CACNA2D1: variants seen among roughly 807,000 people sequenced by gnomAD.
CACNA2D1 encodes voltage-dependent calcium channel subunit alpha-2/delta-1.
In CACNA2D1, 53 loss-of-function variants were observed where a neutral mutation model predicts 171.5. The observed-to-expected ratio is 0.31, with a 90% CI of 0.25 to 0.39. CACNA2D1 has a LOEUF of 0.39. Among genes scored for constraint, CACNA2D1 ranks in the 10% least tolerant of loss-of-function variants. The pLI is 1.00. For missense variants in CACNA2D1, 903 were observed against 1,299.8 expected (o/e 0.69, Z 4.69); for synonymous variants, 442 against 443.1 (o/e 1.00, Z 0.03).
intron 32 of CACNA2D1, among the ~76,000 whole-genome samples, chr7:81,964,661 A>G (rs1156580851): frequency 1.3e-5 from 2 of 151,844 alleles, no homozygotes; most frequent in Non-Finnish European, 2.9e-5. Context: ...GGGCCGGGGA[A>G]TGGAGAGGTA....
chr7:82,268,186 C>A (rs1034169882), intron 3 of CACNA2D1, among the ~76,000 whole-genome samples: 1 of 152,080 alleles, frequency 6.6e-6, no homozygotes, highest in Non-Finnish European at 1.5e-5. Flanking sequence ...AAAGTATTTG[C>A]GAAATATTAA....
intron 1 of CACNA2D1, among the ~76,000 whole-genome samples, chr7:82,396,392 CA>C (rs1156452312): frequency 2.0e-5 from 3 of 152,110 alleles, no homozygotes; most frequent in African/African-American, 7.2e-5. Context: ...TAATTTCAAG[CA>C]ATGTGGAATT....
chr7:82,051,990 C>A (rs938108896), intron 10 of CACNA2D1, among the ~76,000 whole-genome samples: 5 of 152,086 alleles, frequency 3.3e-5, no homozygotes, highest in African/African-American at 1.2e-4. Context: ...GTTCTGACAT[C>A]TTATACATGA....
intron 6 of CACNA2D1, among the ~76,000 whole-genome samples, chr7:82,095,202 T>A (rs901097441): frequency 6.6e-6 from 1 of 152,082 alleles, no homozygotes; most frequent in Non-Finnish European, 1.5e-5. Context: ...TGCCTACTTG[T>A]TAAACTTCTC....
At chr7:82,238,361 CACAT>C (rs1803862151) in intron 3 of CACNA2D1, among the ~76,000 whole-genome samples, 1 of 151,892 alleles carries the variant, frequency 6.6e-6, no homozygotes, top group Non-Finnish European at 1.5e-5. Context: ...CATTCGCAAA[CACAT>C]AATGAAGTTA....
intron 1 of CACNA2D1, among the ~76,000 whole-genome samples, chr7:82,378,537 G>A (rs187713315): frequency 1.1e-3 from 162 of 152,118 alleles, no homozygotes; most frequent in African/African-American, 3.2e-3. Flanking sequence ...GTTTTTTAAC[G>A]ATAGAATTTC....
chr7:82,274,665 G>C (rs558702666), intron 3 of CACNA2D1, among the ~76,000 whole-genome samples: 51 of 152,176 alleles, frequency 3.4e-4, no homozygotes, highest in African/African-American at 1.2e-3. Context: ...AGCAATGTGG[G>C]GAGCACCATA....
intron 24 of CACNA2D1, 51 bp downstream of exon 24, chr7:81,982,516 T>G: frequency 1.0e-6 from 1 of 994,502 alleles, no homozygotes; most frequent in Non-Finnish European, 1.6e-6. Context: ...GAACTACTGT[T>G]GAAGGCCTAG....
chr7:82,012,157 T>G lies in CACNA2D1; in HGVS notation c.1359A>C (p.Ala453=), dbSNP rs756230216. 1.3e-6 allele frequency: 2 copies of G among 1,567,494 alleles called. No homozygotes were observed. The highest frequency in any genetic ancestry group is 1.8e-6 in the Non-Finnish European group (2 of 1,138,080). Residue 453 remains alanine (A), a synonymous_variant, in exon 15 of 39, where the codon GCA becomes GCC. Transcript: ENST00000356860. ...QVQWTNVYLD[A]LELGLVITGT... is the part of the protein sequence containing the mutation. ...ACTGAATAGCTCAACCTCTTACCAA[T>G]GCATCCAGGTACACATTTGTCCATT...
intron 3 of CACNA2D1, among the ~76,000 whole-genome samples, chr7:82,240,531 T>C (rs1015064813): frequency 2.6e-5 from 4 of 152,200 alleles, no homozygotes; most frequent in Non-Finnish European, 4.4e-5. Flanking sequence ...CAAATACAAG[T>C]GTATTACTGA....
At position 82,095,603 on chromosome 7, in the gene CACNA2D1, C is replaced by T. The variant is rs112278448; in HGVS notation, c.527-10703G>A. Among the ~76,000 whole-genome samples the T allele has an allele frequency of 3.7e-3, 559 of 152,216 alleles. 5 individuals carry two copies. The highest frequency in any genetic ancestry group is 0.024 in the South Asian group (116 of 4,824). ...GAAAATTAAAATATGCTATACTTAA[C>T]GTATAACAGGCACGCCATAAACAGT... On this transcript the variant is annotated intron_variant, in intron 6 of 38. Coordinates refer to ENST00000356860, the MANE Select transcript of CACNA2D1 (RefSeq NM_000722.4).
At chr7:82,060,057 T>G (rs1806435684) in intron 10 of CACNA2D1, among the ~76,000 whole-genome samples, 1 of 102,930 alleles carries the variant, frequency 9.7e-6, no homozygotes, top group Non-Finnish European at 1.9e-5. Context: ...AATGACGAGT[T>G]AATAGGTGCA....
intron 3 of CACNA2D1, among the ~76,000 whole-genome samples, chr7:82,331,778 T>C (rs949807154): frequency 3.3e-5 from 5 of 152,264 alleles, no homozygotes; most frequent in Non-Finnish European, 7.4e-5. Flanking sequence ...ACAACCTTTT[T>C]TAAGAGACTA....
At chr7:82,275,598 A>G (rs1376530782) in intron 3 of CACNA2D1, among the ~76,000 whole-genome samples, 1 of 152,056 alleles carries the variant, frequency 6.6e-6, no homozygotes, top group African/African-American at 2.4e-5. Context: ...GACAAACACC[A>G]TCTATCTGGC....
intron 3 of CACNA2D1, among the ~76,000 whole-genome samples, chr7:82,287,046 T>C (rs1810878563): frequency 6.6e-6 from 1 of 152,212 alleles, no homozygotes; most frequent in Non-Finnish European, 1.5e-5. Flanking sequence ...TGATCTAATT[T>C]ATAGTTCATT....
intron 12 of CACNA2D1, 79 bp downstream of exon 12, chr7:82,032,718 C>T: frequency 2.7e-6 from 2 of 739,176 alleles, no homozygotes; most frequent in Non-Finnish European, 4.5e-6. Flanking sequence ...AAATTCTCCC[C>T]TCACTACCAC....
intron 12 of CACNA2D1, among the ~76,000 whole-genome samples, chr7:82,019,274 C>T (rs1011121492): frequency 5.3e-5 from 8 of 152,262 alleles, no homozygotes; most frequent in African/African-American, 1.9e-4. Context: ...GAACTGAGAT[C>T]ACACCACTGC....
At chr7:82,291,662 T>TA (rs574414018) in intron 3 of CACNA2D1, among the ~76,000 whole-genome samples, 8,523 of 125,626 alleles carry the variant, frequency 0.068, 398 homozygotes, top group African/African-American at 0.15. Flanking sequence ...TATATATATA[T>TA]TTTTTTTTCT....
chr7:82,112,786 A>C (rs1788608418), intron 6 of CACNA2D1, among the ~76,000 whole-genome samples: 1 of 152,220 alleles, frequency 6.6e-6, no homozygotes. Flanking sequence ...GAGATTATGC[A>C]ATTGTCCAGA....
Sources: gnomAD v4.1 joint callset for allele counts (sites outside exome capture counted in the v4.1 genomes callset) on GRCh38, gnomAD v4.1.1 for gene constraint, MANE v1.5 for transcripts, NCBI Gene and HGNC (gene_info 2026-07-23, HGNC 2026-07-21) for gene names.